The following NBAS variants were observed in gnomAD, a reference collection of about 807,000 sequenced individuals.
The protein encoded by NBAS is NBAS subunit of NRZ tethering complex.
A neutral mutation model predicts 302.5 loss-of-function variants in NBAS; 219 were observed. The observed-to-expected ratio is 0.72, with a 90% CI of 0.65 to 0.81. NBAS has a LOEUF of 0.81. Among genes scored for constraint, NBAS ranks in the 30% least tolerant of loss-of-function variants. The probability of loss-of-function intolerance (pLI) is 0.00; values close to 1 mark genes in which losing one functional copy is unlikely to be tolerated. For synonymous variants in NBAS, 1,118 were observed against 1,021.6 expected (o/e 1.09, Z -1.80); for missense variants, 2,932 against 2,841.6 (o/e 1.03, Z -0.72).
chr2:14,821,015 C>A, the NBAS span, among the ~76,000 whole-genome samples: 2 of 152,040 alleles, frequency 1.3e-5, no homozygotes, highest in Non-Finnish European at 2.9e-5. Context: ...CCGCAAGCTC[C>A]GCCTCCCGGA....
the NBAS span, among the ~76,000 whole-genome samples, chr2:14,899,126 C>G: frequency 6.6e-6 from 1 of 152,156 alleles, no homozygotes; most frequent in African/African-American, 2.4e-5. Flanking sequence ...GCAGGAGATC[C>G]AAGAGGAAGG....
chr2:14,993,734 C>G, the NBAS span, among the ~76,000 whole-genome samples: 4 of 152,204 alleles, frequency 2.6e-5, no homozygotes, highest in African/African-American at 7.2e-5. Context: ...AACTCAAACA[C>G]TCCTAAATTT....
intron 35 of NBAS, 75 bp downstream of exon 35, chr2:15,351,917 T>C: frequency 9.5e-7 from 1 of 1,050,398 alleles, no homozygotes; most frequent in South Asian, 1.3e-5. Flanking sequence ...ACCCCTCTCA[T>C]CCACAAGGTT....
chr2:15,381,232 T>C lies in NBAS; in HGVS notation c.3361-1401A>G, dbSNP rs186065005. Among the ~76,000 whole-genome samples the C allele has an allele frequency of 3.3e-5, 5 of 150,966 alleles. No homozygotes were observed. In the East Asian group the frequency reaches 7.8e-4, roughly 23 times the overall value. On this transcript the variant is annotated intron_variant, in intron 29 of 51. Transcript: ENST00000281513. The stretch of plus-strand genomic sequence containing the variant: ...ATAGATTTCTGTTCTACAGGCTATA[T>C]ATAAATCTTTATCTAACATTTTCAA...
At chr2:15,411,377 T>A (rs895579431) in intron 25 of NBAS, among the ~76,000 whole-genome samples, 2 of 152,200 alleles carry the variant, frequency 1.3e-5, no homozygotes, top group African/African-American at 4.8e-5. Context: ...TTTTGCCTGG[T>A]AGAAATTTCC....
At chr2:15,469,817 T>C (rs1391461583) in intron 16 of NBAS, among the ~76,000 whole-genome samples, 1 of 112,038 alleles carries the variant, frequency 8.9e-6, no homozygotes, top group East Asian at 3.1e-4. Flanking sequence ...GTGGGGAACA[T>C]CACACACCGG....
At chr2:15,534,308 G>A (rs892931024) in intron 9 of NBAS, among the ~76,000 whole-genome samples, 1 of 152,152 alleles carries the variant, frequency 6.6e-6, no homozygotes, top group African/African-American at 2.4e-5. Flanking sequence ...GTTAAAAGAG[G>A]AGAATAAATT....
At chr2:14,797,913 T>C in the NBAS span, among the ~76,000 whole-genome samples, 1 of 152,202 alleles carries the variant, frequency 6.6e-6, no homozygotes, top group Non-Finnish European at 1.5e-5. Flanking sequence ...TTGTTGCTAA[T>C]ATATAGGAAT....
chr2:15,383,355 G>A, intron 28 of NBAS, 38 bp from the exon 29 acceptor site: 1 of 1,568,450 alleles, frequency 6.4e-7, no homozygotes, highest in Non-Finnish European at 8.8e-7. Context: ...AAGAGGGAAA[G>A]AAAACAATTA....
At chr2:15,241,762 T>A (rs950170961) in intron 44 of NBAS, among the ~76,000 whole-genome samples, 9 of 152,296 alleles carry the variant, frequency 5.9e-5, no homozygotes, top group Middle Eastern at 3.4e-3. Flanking sequence ...ATCTTCCTAA[T>A]AAATTTGTCA....
the NBAS span, among the ~76,000 whole-genome samples, chr2:14,969,388 A>T: frequency 0.14 from 21,779 of 151,838 alleles, 1,921 homozygotes; most frequent in African/African-American, 0.25. Flanking sequence ...TATTATTATT[A>T]TTTTTGAGAT....
the NBAS span, among the ~76,000 whole-genome samples, chr2:15,159,386 T>C: frequency 2.2e-4 from 34 of 152,322 alleles, no homozygotes; most frequent in African/African-American, 6.7e-4. Context: ...TGCTGACTAC[T>C]GCTCAAAAAC....
chr2:15,357,989 A>G (rs1361633827), intron 32 of NBAS, among the ~76,000 whole-genome samples: 1 of 152,168 alleles, frequency 6.6e-6, no homozygotes, highest in Non-Finnish European at 1.5e-5. Flanking sequence ...AATTCTGGGA[A>G]ATGGACTTAA....
chr2:15,115,457 G>A, the NBAS span, among the ~76,000 whole-genome samples: 2 of 152,122 alleles, frequency 1.3e-5, no homozygotes, highest in Non-Finnish European at 2.9e-5. Context: ...TTAAAAGTGT[G>A]TAGCACTTTA....
intron 14 of NBAS, 45 bp downstream of exon 14, chr2:15,475,642 G>T: frequency 6.4e-7 from 1 of 1,550,874 alleles, no homozygotes; most frequent in Non-Finnish European, 8.9e-7. Flanking sequence ...TTAAATTTTT[G>T]GTTAAATACA....
chr2:15,072,357 TTAA>T, the NBAS span, among the ~76,000 whole-genome samples: 1 of 152,230 alleles, frequency 6.6e-6, no homozygotes, highest in Non-Finnish European at 1.5e-5. Context: ...TATTGGAGTT[TTAA>T]TGTTTTCTTA....
the NBAS span, among the ~76,000 whole-genome samples, chr2:14,882,763 T>C: frequency 6.6e-6 from 1 of 152,192 alleles, no homozygotes; most frequent in Non-Finnish European, 1.5e-5. Context: ...GAAAGAGTTG[T>C]GCCTCTACCA....
chr2:15,208,664 T>C (rs1666260576), intron 48 of NBAS, among the ~76,000 whole-genome samples: 1 of 151,652 alleles, frequency 6.6e-6, no homozygotes, highest in Non-Finnish European at 1.5e-5. Context: ...ACAAAACAAG[T>C]CTTAAAACAT....
In NBAS at chr2:15,258,722, C is replaced by T. The variant is rs1040144294; in HGVS notation, c.5724+16762G>A. 5.3e-4 allele frequency among the ~76,000 whole-genome samples: 81 copies of T among 152,274 alleles called. 1 individual carries two copies. In the Middle Eastern group the frequency reaches 0.01, roughly 19 times the overall value. The stretch of plus-strand genomic sequence containing the variant: ...GTTTAAGATGTTTATCAAGACAATA[C>T]GTGCACAGCTGAACATAGACCCTTA... On this transcript the variant is annotated intron_variant, in intron 44 of 51. Transcript: ENST00000281513.
Sources: allele counts gnomAD v4.1 joint callset (sites outside exome capture counted in the v4.1 genomes callset), GRCh38; gene constraint gnomAD v4.1.1; transcripts MANE v1.5; gene names NCBI Gene and HGNC (gene_info 2026-07-23, HGNC 2026-07-21).